Variants in MARCHF1 observed in about 807,000 individuals in gnomAD.
MARCHF1 encodes the protein membrane associated ring-CH-type finger 1.
In MARCHF1, 40 loss-of-function variants were observed where a neutral mutation model predicts 54.2. The observed-to-expected ratio is 0.74, with a 90% CI of 0.57 to 0.96. The LOEUF (loss-of-function observed/expected upper bound fraction) is 0.96, where lower values mean the gene tolerates loss of function less well. MARCHF1 is among the 40% of genes least tolerant of loss of function. The pLI is 0.00. For synonymous variants in MARCHF1, 236 were observed against 236.3 expected, an observed-to-expected ratio of 1.00 and a Z score of 0.01; for missense variants, 586 against 656.5, an observed-to-expected ratio of 0.89 and a Z score of 1.17.
intron 1 of MARCHF1, among the ~76,000 whole-genome samples, chr4:164,334,466 ATC>A (rs1176312847): frequency 6.6e-6 from 1 of 152,152 alleles, no homozygotes; most frequent in Non-Finnish European, 1.5e-5. Flanking sequence ...ATGACAGCAC[ATC>A]TGTTTACAGA....
intron 2 of MARCHF1, among the ~76,000 whole-genome samples, chr4:164,062,673 C>T (rs1041911297): frequency 3.9e-5 from 6 of 151,956 alleles, no homozygotes; most frequent in Admixed American, 3.3e-4. Flanking sequence ...TACAGGCACC[C>T]GCCACCATGC....
intron 1 of MARCHF1, among the ~76,000 whole-genome samples, chr4:164,327,250 T>C (rs1735307942): frequency 6.6e-6 from 1 of 152,128 alleles, no homozygotes; most frequent in African/African-American, 2.4e-5. Context: ...TGCAGTCTCC[T>C]GAGGAAACAA....
intron 4 of MARCHF1, among the ~76,000 whole-genome samples, chr4:163,768,000 A>T (rs1042674982): frequency 2.0e-5 from 3 of 152,186 alleles, no homozygotes; most frequent in Non-Finnish European, 4.4e-5. Flanking sequence ...CTCTGTACAG[A>T]GATGGCCAAG....
chr4:164,379,460 T>C (rs1460521015), intron 1 of MARCHF1, among the ~76,000 whole-genome samples: 1 of 152,112 alleles, frequency 6.6e-6, no homozygotes, highest in Non-Finnish European at 1.5e-5. Context: ...GAGAAGATAA[T>C]AGTCAAGAAT....
At chr4:163,913,213 C>A (rs926510733) in intron 3 of MARCHF1, among the ~76,000 whole-genome samples, 1 of 152,138 alleles carries the variant, frequency 6.6e-6, no homozygotes, top group African/African-American at 2.4e-5. Context: ...TATGTGTTTG[C>A]GTTTTGTGTG....
intron 1 of MARCHF1, among the ~76,000 whole-genome samples, chr4:164,274,937 A>G (rs887349657): frequency 2.6e-5 from 4 of 151,102 alleles, no homozygotes; most frequent in Admixed American, 1.3e-4. Context: ...CGGCCTCCCA[A>G]AGTGCTGGAA....
At chr4:164,071,720 C>T (rs886530283) in intron 2 of MARCHF1, among the ~76,000 whole-genome samples, 1 of 152,066 alleles carries the variant, frequency 6.6e-6, no homozygotes, top group Non-Finnish European at 1.5e-5. Context: ...TACTCACAAC[C>T]CATAGCTTCC....
chr4:164,243,600 C>A (rs1351830082), intron 1 of MARCHF1, among the ~76,000 whole-genome samples: 2 of 152,014 alleles, frequency 1.3e-5, no homozygotes, highest in African/African-American at 4.8e-5. Context: ...CAAATTCACA[C>A]ATACCAATAT....
chr4:163,582,560 A>G (rs1249523050), intron 8 of MARCHF1, among the ~76,000 whole-genome samples: 2 of 152,248 alleles, frequency 1.3e-5, no homozygotes, highest in African/African-American at 4.8e-5. Context: ...TTAAGAAATC[A>G]TTTCATCTAA....
intron 4 of MARCHF1, among the ~76,000 whole-genome samples, chr4:163,747,233 A>G (rs925225132): frequency 3.3e-5 from 5 of 152,218 alleles, no homozygotes; most frequent in Admixed American, 3.3e-4. Flanking sequence ...AGAATTTGTA[A>G]CTATTGCCAG....
intron 3 of MARCHF1, among the ~76,000 whole-genome samples, chr4:163,959,330 CAAAA>C (rs72185948): frequency 2.7e-5 from 4 of 149,254 alleles, no homozygotes; most frequent in Admixed American, 6.7e-5. Context: ...ACAACAACAA[CAAAA>C]AAAAAAAACA....
chr4:163,775,229 C>A (rs1747271764), intron 4 of MARCHF1, among the ~76,000 whole-genome samples: 1 of 152,174 alleles, frequency 6.6e-6, no homozygotes, highest in African/African-American at 2.4e-5. Context: ...CAGATATTAG[C>A]ATGCTTTGCT....
intron 3 of MARCHF1, among the ~76,000 whole-genome samples, chr4:163,891,867 G>A (rs142767797): frequency 2.0e-5 from 3 of 152,102 alleles, no homozygotes; most frequent in South Asian, 2.1e-4. Context: ...CATATGTGAC[G>A]GGTCTTTCTT....
intron 5 of MARCHF1, among the ~76,000 whole-genome samples, chr4:163,648,231 G>C (rs1232228345): frequency 1.3e-5 from 2 of 151,800 alleles, no homozygotes; most frequent in Admixed American, 1.3e-4. Context: ...TAACTGTAAA[G>C]AAAAATTATT....
rs755641653 is a variant in MARCHF1 at position 164,197,169 on chromosome 4, T to C, written c.-322-85507A>G. ...CCTCCTCGCCCTCCTCATCTTCCAC[T>C]ACCTGAGCATCTTCATCATACTCCT... On this transcript the variant is annotated intron_variant, in intron 1 of 9. Transcript: ENST00000514618. The C allele has an allele frequency of 8.1e-6, 13 of 1,607,766 alleles. No homozygotes were observed. In the East Asian group the frequency reaches 2.7e-4, roughly 33 times the overall value.
chr4:164,097,397 T>A (rs1216277960), intron 2 of MARCHF1, among the ~76,000 whole-genome samples: 2 of 152,196 alleles, frequency 1.3e-5, no homozygotes, highest in Non-Finnish European at 2.9e-5. Flanking sequence ...TAGCGATATC[T>A]TTGAAATTTT....
Position 164,326,957 on chromosome 4 carries a change from TTGTGTGTGTGTGTG to T in MARCHF1, c.-323+56899_-323+56912del, listed in dbSNP as rs370504086. Among the ~76,000 whole-genome samples, 396 of 133,720 alleles carry T rather than the reference TTGTGTGTGTGTGTG, an allele frequency of 3.0e-3. 1 individual carries two copies. The highest frequency in any genetic ancestry group is 0.012 in the East Asian group (54 of 4,462). 87.7% of individuals were successfully genotyped at this position (133,720 alleles called of 152,430 possible). On this transcript the variant is annotated intron_variant, in intron 1 of 9. Coordinates refer to ENST00000514618, the MANE Select transcript of MARCHF1 (RefSeq NM_001394959.1). The stretch of plus-strand genomic sequence containing the variant: ...CTACCTCATAGGTTTGTTGTAAGGA[TTGTGTGTGTGTGTG>T]TGTGTGTGTGTGTGTGTGTGTGTGT...
chr4:164,068,853 A>G lies in MARCHF1; in HGVS notation c.-248+42735T>C, dbSNP rs1754790387. On this transcript the variant is annotated intron_variant, in intron 2 of 9. Transcript: ENST00000514618. ...GGGGACTTGGAGAATCTTTATGTCT[A>G]GTTAAGGGATTGTAAATACACCAAT... Among the ~76,000 whole-genome samples the G allele has an allele frequency of 5.3e-5, 8 of 152,314 alleles. No individual in the cohort carries two copies. The South Asian group carries it at 1.7e-3, about 32-fold the overall frequency.
At chr4:164,345,844 T>C (rs1730078090) in intron 1 of MARCHF1, among the ~76,000 whole-genome samples, 1 of 152,040 alleles carries the variant, frequency 6.6e-6, no homozygotes, top group South Asian at 2.1e-4. Flanking sequence ...TAAGCACTCC[T>C]GAATTCCATA....
Sources: gnomAD v4.1 joint callset for allele counts (sites outside exome capture counted in the v4.1 genomes callset) on GRCh38, gnomAD v4.1.1 for gene constraint, MANE v1.5 for transcripts, NCBI Gene and HGNC (gene_info 2026-07-23, HGNC 2026-07-21) for gene names.